PROS1: variants seen among roughly 807,000 people sequenced by gnomAD.
PROS1 encodes the protein vitamin K-dependent protein S.
In PROS1, 29 loss-of-function variants were observed where a neutral mutation model predicts 75.9. The observed-to-expected ratio is 0.38, with a 90% CI of 0.28 to 0.52. The LOEUF (loss-of-function observed/expected upper bound fraction) is 0.52. Among genes scored for constraint, PROS1 ranks in the 20% least tolerant of loss-of-function variants. The pLI is 0.83. For missense variants in PROS1, 680 were observed against 810.3 expected (o/e 0.84, Z 1.95); for synonymous variants, 245 against 280.6 (o/e 0.87, Z 1.27).
chr3:93,880,966 C>G (rs568106366), intron 12 of PROS1, among the ~76,000 whole-genome samples: 1 of 152,168 alleles, frequency 6.6e-6, no homozygotes, highest in South Asian at 2.1e-4. Context: ...CAGAACAGAA[C>G]TAGGCATTGT....
chr3:93,912,675 A>G (rs1261839605), intron 3 of PROS1, among the ~76,000 whole-genome samples: 3 of 152,184 alleles, frequency 2.0e-5, no homozygotes, highest in Non-Finnish European at 4.4e-5. Flanking sequence ...GAAGTCTGAT[A>G]TCAAGGTGCT....
At position 93,954,241 on chromosome 3, in the gene PROS1, G is replaced by T. The variant is rs563394552; in HGVS notation, c.76+19433C>A. 8.5e-5 allele frequency among the ~76,000 whole-genome samples: 13 copies of T among 152,164 alleles called. No individual in the cohort carries two copies. In the East Asian group the frequency reaches 2.1e-3, roughly 25 times the overall value. On this transcript the variant is annotated intron_variant, in intron 1 of 14. Transcript: ENST00000394236. Reference sequence around the variant, plus strand: ...AAGAAACTACTTTGAAGTTTATATGGAACCAAAAAAGAGCCCGCATTGCCA... The same window carrying T: ...AAGAAACTACTTTGAAGTTTATATGTAACCAAAAAAGAGCCCGCATTGCCA...
chr3:93,919,573 T>A (rs1708915639), intron 3 of PROS1, among the ~76,000 whole-genome samples: 1 of 152,200 alleles, frequency 6.6e-6, no homozygotes, highest in African/African-American at 2.4e-5. Context: ...AATCTTACTA[T>A]TCATGTCTCT....
chr3:93,924,064 A>T (rs1449342006), intron 3 of PROS1, among the ~76,000 whole-genome samples, 176 bp downstream of exon 3: 1 of 152,238 alleles, frequency 6.6e-6, no homozygotes, highest in East Asian at 1.9e-4. Flanking sequence ...GAACCGTTCC[A>T]AATTTCTCAA....
intron 1 of PROS1, among the ~76,000 whole-genome samples, chr3:93,936,187 C>T (rs1471826853): frequency 6.6e-6 from 1 of 150,764 alleles, no homozygotes. Context: ...GTAATTAAGA[C>T]TAGATGGGGT....
intron 1 of PROS1, among the ~76,000 whole-genome samples, chr3:93,952,632 A>T (rs570047650): frequency 1.3e-5 from 2 of 152,234 alleles, no homozygotes; most frequent in Non-Finnish European, 2.9e-5. Context: ...AGCAGGAAAG[A>T]TCTAAAATTG....
In PROS1 at chr3:93,877,056, T is replaced by G; in HGVS notation, c.1780A>C (p.Thr594Pro). ...LELSTPLKIE[T>P]ISHEDLQRQL... Reference sequence around the variant, plus strand: ...CTTTGAAGGTCTTCATGGGAGATGGTTTCTATTTTAAGTGGTGTCGACAAC... The same window carrying G: ...CTTTGAAGGTCTTCATGGGAGATGGGTTCTATTTTAAGTGGTGTCGACAAC... The change falls in exon 14 of 15, where the codon ACC (threonine) becomes CCC (proline). Residue 594 changes from threonine to proline, a missense_variant. By Grantham distance (38) the Thr-to-Pro change is conservative (BLOSUM62 -1). Transcript: ENST00000394236. 1 of 1,613,988 alleles carries G rather than the reference T, an allele frequency of 6.2e-7. No individual in the cohort carries two copies. Among genetic ancestry groups the G allele is most frequent in the East Asian group, 2.2e-5 (1 of 44,858 alleles).
chr3:93,941,211 A>G (rs1255179962), intron 1 of PROS1, among the ~76,000 whole-genome samples: 1 of 152,130 alleles, frequency 6.6e-6, no homozygotes, highest in Admixed American at 6.6e-5. Context: ...CAATATGTTG[A>G]TGACCTACTT....
chr3:93,910,911 T>A, intron 3 of PROS1: 1 of 554,566 alleles, frequency 1.8e-6, no homozygotes, highest in Non-Finnish European at 3.3e-6. Context: ...TACAGAAACA[T>A]AAAAAATAAG....
At chr3:93,888,335 C>T (rs1345988974) in intron 10 of PROS1, among the ~76,000 whole-genome samples, 1 of 152,098 alleles carries the variant, frequency 6.6e-6, no homozygotes. Context: ...TGCATAGAAG[C>T]AAGCTTTGAC....
At chr3:93,889,495 C>A (rs141753121) in intron 10 of PROS1, among the ~76,000 whole-genome samples, 8 of 152,210 alleles carry the variant, frequency 5.3e-5, no homozygotes, top group African/African-American at 1.7e-4. Context: ...CCCAAGTGTG[C>A]TTTGTTTGTA....
intron 4 of PROS1, among the ~76,000 whole-genome samples, chr3:93,908,757 T>C (rs1384765245): frequency 6.6e-6 from 1 of 152,344 alleles, no homozygotes; most frequent in East Asian, 1.9e-4. Context: ...CTACTCCAGA[T>C]TGCCTTAACA....
chr3:93,937,289 C>T (rs1709198721), intron 1 of PROS1, among the ~76,000 whole-genome samples: 1 of 152,022 alleles, frequency 6.6e-6, no homozygotes, highest in African/African-American at 2.4e-5. Context: ...TGAAACAGAA[C>T]AGAGCAGGGA....
chr3:93,954,419 C>A (rs1709563238), intron 1 of PROS1, among the ~76,000 whole-genome samples: 1 of 152,050 alleles, frequency 6.6e-6, no homozygotes, highest in African/African-American at 2.4e-5. Context: ...AGAAATAATA[C>A]CACACATCTA....
At chr3:93,927,154 C>G in intron 2 of PROS1, 96 bp downstream of exon 2, 3 of 1,494,486 alleles carry the variant, frequency 2.0e-6, no homozygotes, top group Non-Finnish European at 2.8e-6. Context: ...GAATTATTGA[C>G]TTTAAGATGG....
rs544684507 is a variant in PROS1 at position 93,887,932 on chromosome 3, T to C, written c.1156-1429A>G. Among the ~76,000 whole-genome samples, 5 of 152,372 alleles carry C rather than the reference T, an allele frequency of 3.3e-5. No homozygotes were observed. The South Asian group carries it at 1.0e-3, about 32-fold the overall frequency. Reference sequence around the variant, plus strand: ...GCTGGCACTGCAAGATGATAGACAATCTGCATTATGTACATAGGCTAGTCA... The same window carrying C: ...GCTGGCACTGCAAGATGATAGACAACCTGCATTATGTACATAGGCTAGTCA... On this transcript the variant is annotated intron_variant, in intron 10 of 14. Coordinates refer to ENST00000394236, the MANE Select transcript of PROS1 (RefSeq NM_000313.4).
chr3:93,927,925 G>C (rs1383760344), intron 1 of PROS1, among the ~76,000 whole-genome samples: 1 of 127,258 alleles, frequency 7.9e-6, no homozygotes, highest in Admixed American at 8.5e-5. Flanking sequence ...ATATATATAT[G>C]TGTATATATA....
chr3:93,953,033 A>C (rs572372158), intron 1 of PROS1, among the ~76,000 whole-genome samples: 2 of 152,238 alleles, frequency 1.3e-5, no homozygotes, highest in African/African-American at 4.8e-5. Flanking sequence ...CATCAGGAAG[A>C]AGTTGAATCC....
At chr3:93,927,982 T>C (rs1251051621) in intron 1 of PROS1, among the ~76,000 whole-genome samples, 3 of 23,024 alleles carry the variant, frequency 1.3e-4, no homozygotes, top group African/African-American at 3.9e-4. Context: ...TGTATATATA[T>C]GTGTGTGTGT....
Sources: gnomAD v4.1 joint callset for allele counts (sites outside exome capture counted in the v4.1 genomes callset) on GRCh38, gnomAD v4.1.1 for gene constraint, MANE v1.5 for transcripts, NCBI Gene and HGNC (gene_info 2026-07-23, HGNC 2026-07-21) for gene names.